CTNND2: variants seen among roughly 807,000 people sequenced by gnomAD.
The protein encoded by CTNND2 is catenin delta 2.
A neutral mutation model predicts 144.4 loss-of-function variants in CTNND2; 22 were observed. The ratio of observed to expected loss-of-function variants is 0.15; its 90% CI spans 0.11 to 0.22. CTNND2 has a LOEUF of 0.22. Ranked by LOEUF, CTNND2 falls within the 10% of genes least tolerant of loss-of-function variation. CTNND2 has a pLI of 1.00. For synonymous variants in CTNND2, 751 were observed against 695.6 expected (o/e 1.08, Z -1.25); for missense variants, 1,353 against 1,618.8 (o/e 0.84, Z 2.82).
chr5:11,431,637 T>G (rs1474388714), intron 3 of CTNND2, among the ~76,000 whole-genome samples: 2 of 152,078 alleles, frequency 1.3e-5, no homozygotes, highest in Non-Finnish European at 2.9e-5. Flanking sequence ...GTTAGCCAGG[T>G]GGAGAGAGGG....
chr5:11,741,033 A>C (rs936596762), intron 1 of CTNND2, among the ~76,000 whole-genome samples: 1 of 152,238 alleles, frequency 6.6e-6, no homozygotes, highest in Non-Finnish European at 1.5e-5. Context: ...ATCTCATGCC[A>C]GTTAGAATGG....
intron 1 of CTNND2, among the ~76,000 whole-genome samples, chr5:11,747,097 T>G (rs1581815848): frequency 6.6e-6 from 1 of 152,174 alleles, no homozygotes; most frequent in African/African-American, 2.4e-5. Context: ...GTTCTAGGGT[T>G]CATCTCTACT....
intron 3 of CTNND2, among the ~76,000 whole-genome samples, chr5:11,494,397 A>G (rs187132786): frequency 7.1e-4 from 108 of 152,318 alleles, no homozygotes; most frequent in Non-Finnish European, 1.4e-3. Flanking sequence ...TTACAAAAAA[A>G]GAGAGTGATT....
intron 1 of CTNND2, among the ~76,000 whole-genome samples, chr5:11,795,175 A>T (rs1791335706): frequency 5.9e-5 from 9 of 152,176 alleles, no homozygotes. Context: ...AATGGAGGGC[A>T]AGTAAGCCTT....
At chr5:11,046,090 C>T (rs1040785618) in intron 16 of CTNND2, among the ~76,000 whole-genome samples, 1 of 152,024 alleles carries the variant, frequency 6.6e-6, no homozygotes, top group African/African-American at 2.4e-5. Context: ...TGAATTGTTA[C>T]CCCCTCACCA....
At chr5:11,428,836 G>T (rs1763019012) in intron 3 of CTNND2, among the ~76,000 whole-genome samples, 1 of 152,116 alleles carries the variant, frequency 6.6e-6, no homozygotes, top group Admixed American at 6.5e-5. Flanking sequence ...ATTTTGATTT[G>T]TATAACCTCA....
intron 18 of CTNND2, among the ~76,000 whole-genome samples, chr5:11,016,440 T>A (rs1395872810): frequency 1.3e-5 from 2 of 152,246 alleles, no homozygotes; most frequent in African/African-American, 4.8e-5. Flanking sequence ...TAAATATTTT[T>A]TTCCCCCATT....
chr5:11,759,569 T>C (rs13359312), intron 1 of CTNND2, among the ~76,000 whole-genome samples: 12,202 of 100,034 alleles, frequency 0.12, 1,300 homozygotes, highest in African/African-American at 0.3. Flanking sequence ...AATTAATTTC[T>C]CTGTCTTAGA....
chr5:11,339,992 TACC>T (rs1754080028), intron 9 of CTNND2, among the ~76,000 whole-genome samples: 2 of 152,234 alleles, frequency 1.3e-5, no homozygotes, highest in Admixed American at 6.5e-5. Context: ...GCTTTCAAGT[TACC>T]ACTTTGTCCT....
chr5:11,324,454 C>A lies in CTNND2; in HGVS notation c.1628+21918G>T, dbSNP rs144707591. ...GCATTTTAGTAAGCCATCATATACT[C>A]GTTTTTTGTTGAAAGTTACCAAAGA... On this transcript the variant is annotated intron_variant, in intron 9 of 21. Transcript: ENST00000304623. Among the ~76,000 whole-genome samples, 4 of 152,274 alleles carry A rather than the reference C, an allele frequency of 2.6e-5. No individual in the cohort carries two copies. In the East Asian group the frequency reaches 7.7e-4, roughly 29 times the overall value.
intron 1 of CTNND2, among the ~76,000 whole-genome samples, chr5:11,755,908 C>T (rs1420866684): frequency 6.6e-6 from 1 of 151,360 alleles, no homozygotes; most frequent in African/African-American, 2.4e-5. Context: ...TTTTTTCCTA[C>T]CCTATGTTCC....
intron 3 of CTNND2, among the ~76,000 whole-genome samples, chr5:11,520,149 GAAAAAAAA>G (rs35979486): frequency 3.2e-5 from 4 of 123,432 alleles, no homozygotes; most frequent in Non-Finnish European, 5.1e-5. Context: ...CTCTGTCTTG[GAAAAAAAA>G]AAAAAAAAAG....
At chr5:11,201,073 C>T in intron 10 of CTNND2, among the ~76,000 whole-genome samples, 1 of 152,186 alleles carries the variant, frequency 6.6e-6, no homozygotes, top group East Asian at 1.9e-4. Context: ...ACCCTCACCC[C>T]AAGCCAGCAT....
intron 9 of CTNND2, among the ~76,000 whole-genome samples, chr5:11,325,705 C>T (rs1054644431): frequency 5.0e-4 from 76 of 152,250 alleles, no homozygotes; most frequent in African/African-American, 1.7e-3. Flanking sequence ...TACCCCCTCC[C>T]TAGCTAACCA....
chr5:11,205,775 T>C (rs1423520282), intron 10 of CTNND2, among the ~76,000 whole-genome samples: 1 of 152,208 alleles, frequency 6.6e-6, no homozygotes, highest in Non-Finnish European at 1.5e-5. Flanking sequence ...CTTCCAATTG[T>C]ATGAAATGGC....
At chr5:11,456,280 C>T (rs1765725305) in intron 3 of CTNND2, among the ~76,000 whole-genome samples, 1 of 151,136 alleles carries the variant, frequency 6.6e-6, no homozygotes, top group East Asian at 1.9e-4. Context: ...TTGGTTTTAC[C>T]CACATATAAT....
At chr5:11,285,727 G>A (rs995867985) in intron 9 of CTNND2, among the ~76,000 whole-genome samples, 12 of 152,042 alleles carry the variant, frequency 7.9e-5, no homozygotes, top group East Asian at 3.9e-4. Flanking sequence ...TCTTACCTCC[G>A]CTTCCCTCTC....
At chr5:11,741,780 T>G (rs1788031131) in intron 1 of CTNND2, among the ~76,000 whole-genome samples, 2 of 148,122 alleles carry the variant, frequency 1.4e-5, no homozygotes, top group Admixed American at 1.4e-4. Context: ...TATATATTCA[T>G]ATATTATAGT....
At chr5:11,391,399 C>G (rs1015352412) in intron 6 of CTNND2, among the ~76,000 whole-genome samples, 2 of 152,134 alleles carry the variant, frequency 1.3e-5, no homozygotes, top group African/African-American at 4.8e-5. Context: ...GAAGAAATCA[C>G]CAACTCCAAA....
Sources: allele counts gnomAD v4.1 joint callset (sites outside exome capture counted in the v4.1 genomes callset), GRCh38; gene constraint gnomAD v4.1.1; transcripts MANE v1.5; gene names NCBI Gene and HGNC (gene_info 2026-07-23, HGNC 2026-07-21).